The following LPA variants were observed in gnomAD, a reference collection of about 807,000 sequenced individuals.
LPA encodes the protein lipoprotein(a).
A neutral mutation model predicts 197.9 loss-of-function variants in LPA; 199 were observed. The ratio of observed to expected loss-of-function variants is 1.01; its 90% CI spans 0.90 to 1.13. The LOEUF is 1.13. LPA is among the 50% of genes most tolerant of loss of function. LPA has a pLI of 0.00. For missense variants in LPA, 1,853 were observed against 1,785.8 expected (o/e 1.04, Z -0.68); for synonymous variants, 715 against 639.5 (o/e 1.12, Z -1.78).
At chr6:160,598,072 A>C (rs1779166662) in intron 20 of LPA, among the ~76,000 whole-genome samples, 1 of 152,160 alleles carries the variant, frequency 6.6e-6, no homozygotes, top group African/African-American at 2.4e-5. Context: ...TGAGGTCTCT[A>C]CTGAATGCCC....
chr6:160,554,372 C>T (rs1778220965), intron 30 of LPA, among the ~76,000 whole-genome samples: 1 of 152,162 alleles, frequency 6.6e-6, no homozygotes, highest in Non-Finnish European at 1.5e-5. Flanking sequence ...TTACAGAGCA[C>T]TGTAATCATG....
chr6:160,542,555 T>C (rs1777997284), intron 34 of LPA, 133 bp downstream of exon 34: 1 of 1,376,912 alleles, frequency 7.3e-7, no homozygotes, highest in Non-Finnish European at 9.8e-7. Context: ...AATTTTTCTA[T>C]ATTTTTTCCT....
At chr6:160,578,410 A>C (rs1428255260) in intron 27 of LPA, 113 bp downstream of exon 27, 1 of 1,344,166 alleles carries the variant, frequency 7.4e-7, no homozygotes, top group African/African-American at 1.4e-5. Context: ...GCTTTCCTCC[A>C]CATTGCAGAC....
chr6:160,556,187 G>C lies in LPA; in HGVS notation c.4814-3C>G. The C allele has an allele frequency of 6.2e-7, 1 of 1,613,638 alleles. No individual in the cohort carries two copies. Among genetic ancestry groups the C allele is most frequent in the Non-Finnish European group, 8.5e-7 (1 of 1,179,836 alleles). On this transcript the variant is annotated splice_region_variant and splice_polypyrimidine_tract_variant and intron_variant, in intron 29 of 38. Coordinates refer to ENST00000316300, the MANE Select transcript of LPA (RefSeq NM_005577.4). ...CACAGGGGTTTGCTCAGTTGGTGCT[G>C]AAAATAGACAAAATCAAGCTGAGTA...
intron 28 of LPA, among the ~76,000 whole-genome samples, chr6:160,574,059 G>A (rs926102665): frequency 2.0e-5 from 3 of 152,042 alleles, no homozygotes; most frequent in Non-Finnish European, 4.4e-5. Flanking sequence ...CTTTCCTTGG[G>A]CACGTCTTAC....
At chr6:160,549,933 G>A (rs919119967) in intron 30 of LPA, among the ~76,000 whole-genome samples, 4 of 152,210 alleles carry the variant, frequency 2.6e-5, no homozygotes, top group Non-Finnish European at 4.4e-5. Flanking sequence ...GAGTAAGTGA[G>A]AGGCACAGGC....
chr6:160,553,919 TTCTCTCTC>T (rs969332451), intron 30 of LPA, among the ~76,000 whole-genome samples: 3 of 111,326 alleles, frequency 2.7e-5, no homozygotes, highest in Non-Finnish European at 2.1e-5. Flanking sequence ...CTCTCTCTCT[TTCTCTCTC>T]TCTCTCTCTC....
chr6:160,610,285 A>T (rs1562344172), intron 16 of LPA, among the ~76,000 whole-genome samples: 1 of 152,148 alleles, frequency 6.6e-6, no homozygotes, highest in Non-Finnish European at 1.5e-5. Context: ...CAGGCACTTC[A>T]TTGATTGGAA....
intron 18 of LPA, among the ~76,000 whole-genome samples, chr6:160,602,757 T>C (rs532248955): frequency 1.3e-4 from 20 of 152,354 alleles, no homozygotes; most frequent in African/African-American, 4.8e-4. Flanking sequence ...CTTCAAGGCA[T>C]TTTATTGCTG....
Position 160,587,607 on chromosome 6 carries a change from G to T in LPA, c.3948-977C>A, listed in dbSNP as rs1015466796. ...GTTTCTTGTTTTCTGTATATTTGGC[G>T]TGTTGCGAGCCATCATCGCTTCAAG... is the stretch of plus-strand genomic sequence containing the variant. On this transcript the variant is annotated intron_variant, in intron 24 of 38. Coordinates refer to ENST00000316300, the MANE Select transcript of LPA (RefSeq NM_005577.4). Among the ~76,000 whole-genome samples the T allele has an allele frequency of 3.3e-5, 5 of 152,134 alleles. No individual in the cohort carries two copies. In the South Asian group the frequency reaches 8.3e-4, roughly 25 times the overall value.
chr6:160,547,970 TACAG>T (rs773455637), intron 31 of LPA, 33 bp from the exon 32 acceptor site: 25 of 1,611,834 alleles, frequency 1.6e-5, no homozygotes, highest in Non-Finnish European at 2.0e-5. Context: ...AACAGATGAT[TACAG>T]ACAGCCAGGC....
Position 160,593,993 on chromosome 6 carries a change from G to A in LPA, c.3594C>T (p.His1198=). Residue 1198 remains histidine, a synonymous_variant, in exon 22 of 39, where the codon CAC becomes CAT. Coordinates refer to ENST00000316300, the MANE Select transcript of LPA (RefSeq NM_005577.4). ...TCQSWSSMTP[H]WHQRTTEYYP... Reference sequence around the variant, plus strand: ...AATATTCTGTTGTCCTCTGATGCCAGTGTGGTGTCATAGAGGACCAAGACT... The same window carrying A: ...AATATTCTGTTGTCCTCTGATGCCAATGTGGTGTCATAGAGGACCAAGACT... 2 of 1,613,984 alleles carry A rather than the reference G, an allele frequency of 1.2e-6. No homozygotes were observed. Among genetic ancestry groups the A allele is most frequent in the African/African-American group, 1.3e-5 (1 of 75,054 alleles).
chr6:160,647,160 A>T (rs78822335), intron 2 of LPA, among the ~76,000 whole-genome samples: 1 of 152,070 alleles, frequency 6.6e-6, no homozygotes, highest in Admixed American at 6.5e-5. Flanking sequence ...GCCACTCCAG[A>T]ACTGGGGGAT....
At chr6:160,610,780 GA>G (rs1310719496) in intron 16 of LPA, among the ~76,000 whole-genome samples, 1 of 152,154 alleles carries the variant, frequency 6.6e-6, no homozygotes, top group Non-Finnish European at 1.5e-5. Context: ...TTCAGTGCAG[GA>G]AGGGTATCCA....
chr6:160,536,281 C>T (rs1009999185), intron 37 of LPA, among the ~76,000 whole-genome samples: 4 of 152,206 alleles, frequency 2.6e-5, no homozygotes, highest in African/African-American at 9.7e-5. Flanking sequence ...AGCCTGAAAA[C>T]TTTGCAGCTC....
chr6:160,553,918 T>TG (rs1491552116), intron 30 of LPA, among the ~76,000 whole-genome samples: 1 of 147,002 alleles, frequency 6.8e-6, no homozygotes, highest in African/African-American at 2.6e-5. Flanking sequence ...TCTCTCTCTC[T>TG]TTCTCTCTCT....
intron 16 of LPA, 106 bp from the exon 17 acceptor site, chr6:160,606,764 A>C: frequency 6.6e-7 from 1 of 1,507,582 alleles, no homozygotes; most frequent in Non-Finnish European, 9.2e-7. Context: ...GTGCCTTTCT[A>C]ATATTCCCAT....
At chr6:160,653,246 A>G (rs774977540) in intron 1 of LPA, among the ~76,000 whole-genome samples, 7 of 152,292 alleles carry the variant, frequency 4.6e-5, no homozygotes, top group East Asian at 1.9e-4. Flanking sequence ...CCAAATACAC[A>G]TGCCTAACAA....
In LPA at chr6:160,584,221, CTT is replaced by C. The variant is rs1562331190; in HGVS notation, c.4289+823_4289+824del. ...TCTTCTTCTTCTTCTTCTTCTTCTT[CTT>C]CTTCTTCTTCTTCTTCCTCCTCCTC... On this transcript the variant is annotated intron_variant, in intron 26 of 38. Transcript: ENST00000316300. 9.4e-4 allele frequency among the ~76,000 whole-genome samples: 111 copies of C among 118,142 alleles called. No individual in the cohort carries two copies. In the Middle Eastern group the frequency reaches 0.028, roughly 30 times the overall value. The allele number at this position is 118,142 out of a possible 152,430, so 77.5% of individuals were successfully genotyped here.
Sources: gnomAD v4.1 joint callset for allele counts (sites outside exome capture counted in the v4.1 genomes callset) on GRCh38, gnomAD v4.1.1 for gene constraint, MANE v1.5 for transcripts, NCBI Gene and HGNC (gene_info 2026-07-23, HGNC 2026-07-21) for gene names.